The following FHIT variants were observed in gnomAD, a reference collection of about 807,000 sequenced individuals.
The protein encoded by FHIT is fragile histidine triad diadenosine triphosphatase.
A neutral mutation model predicts 17.9 loss-of-function variants in FHIT; 19 were observed. The ratio of observed to expected loss-of-function variants is 1.06; its 90% CI spans 0.74 to 1.56. The LOEUF (loss-of-function observed/expected upper bound fraction) is 1.56. Among genes scored for constraint, FHIT ranks in the 40% most tolerant of loss-of-function variants. The pLI, the probability that FHIT is intolerant of heterozygous loss-of-function variation, is 0.00. For missense variants in FHIT, 248 were observed against 189.2 expected (o/e 1.31, Z -1.82); for synonymous variants, 81 against 69.7 (o/e 1.16, Z -0.81).
Position 60,965,935 on chromosome 3 carries a change from G to A in FHIT, c.-111+76112C>T, listed in dbSNP as rs749816594. 3.6e-4 allele frequency among the ~76,000 whole-genome samples: 55 copies of A among 152,140 alleles called. 1 individual carries two copies. Among genetic ancestry groups the A allele is most frequent in the Admixed American group, 1.1e-3 (17 of 15,274 alleles). ...TGTCCGTTCTCAGATCTCAAACTCC[G>A]TGCTGGGAGAACCACTACTCTCTTC... is the stretch of plus-strand genomic sequence containing the variant. On this transcript the variant is annotated intron_variant, in intron 3 of 9. Coordinates refer to ENST00000492590, the MANE Select transcript of FHIT (RefSeq NM_002012.4).
At chr3:60,329,708 C>G (rs1245568249) in intron 5 of FHIT, among the ~76,000 whole-genome samples, 2 of 152,194 alleles carry the variant, frequency 1.3e-5, no homozygotes, top group Non-Finnish European at 2.9e-5. Context: ...AAGAAGCAAT[C>G]AGAACAAAGC....
chr3:60,152,882 T>C (rs1239935034), intron 5 of FHIT, among the ~76,000 whole-genome samples: 1 of 152,180 alleles, frequency 6.6e-6, no homozygotes, highest in Non-Finnish European at 1.5e-5. Context: ...GGTCTCTAAG[T>C]TGCTTACGGT....
At chr3:60,516,591 G>C (rs968204144) in intron 5 of FHIT, among the ~76,000 whole-genome samples, 4 of 152,162 alleles carry the variant, frequency 2.6e-5, no homozygotes, top group African/African-American at 7.2e-5. Flanking sequence ...GATCGATTTA[G>C]CTCATATTAT....
chr3:59,930,110 T>C (rs930707038), intron 7 of FHIT, among the ~76,000 whole-genome samples: 10 of 152,294 alleles, frequency 6.6e-5, no homozygotes, highest in African/African-American at 2.2e-4. Context: ...CCAGCCAAGG[T>C]GTGAGGGAAC....
chr3:60,129,045 TTTTGTTTG>T (rs1208839497), intron 5 of FHIT, among the ~76,000 whole-genome samples: 43 of 119,160 alleles, frequency 3.6e-4, no homozygotes, highest in African/African-American at 1.4e-3. Context: ...TTCTTTCCTT[TTTTGTTTG>T]TTTTTTTTTT....
At chr3:60,331,097 C>T (rs1709949110) in intron 5 of FHIT, among the ~76,000 whole-genome samples, 1 of 152,156 alleles carries the variant, frequency 6.6e-6, no homozygotes, top group South Asian at 2.1e-4. Flanking sequence ...AAGTCCAACT[C>T]ACCTACTGCC....
chr3:60,465,332 A>T (rs1199226453), intron 5 of FHIT, among the ~76,000 whole-genome samples: 1 of 151,674 alleles, frequency 6.6e-6, no homozygotes, highest in Non-Finnish European at 1.5e-5. Flanking sequence ...TGTCTCTTCA[A>T]ATTGCTTTCA....
intron 4 of FHIT, among the ~76,000 whole-genome samples, chr3:60,717,755 T>C (rs1209901364): frequency 1.3e-5 from 2 of 152,196 alleles, no homozygotes. Context: ...TGTGCCATGC[T>C]TGAACTACCT....
chr3:59,839,082 C>T (rs554345950), intron 8 of FHIT, among the ~76,000 whole-genome samples: 7 of 152,176 alleles, frequency 4.6e-5, no homozygotes, highest in South Asian at 2.1e-4. Flanking sequence ...TTTGGGAGGC[C>T]GAGGCAGGTG....
At chr3:60,486,040 T>C (rs980966689) in intron 5 of FHIT, among the ~76,000 whole-genome samples, 1 of 152,162 alleles carries the variant, frequency 6.6e-6, no homozygotes, top group Non-Finnish European at 1.5e-5. Context: ...TGGCACATTA[T>C]AGAAGACACT....
chr3:61,213,302 T>C (rs1046991843), intron 1 of FHIT, among the ~76,000 whole-genome samples: 7 of 152,024 alleles, frequency 4.6e-5, no homozygotes, highest in African/African-American at 1.5e-4. Flanking sequence ...AATAAAGGGA[T>C]GGAGGAAGAT....
chr3:60,347,676 G>GA (rs1553750544), intron 5 of FHIT, among the ~76,000 whole-genome samples: 1 of 17,586 alleles, frequency 5.7e-5, no homozygotes, highest in Non-Finnish European at 1.0e-4. Flanking sequence ...CCACTGGTTT[G>GA]GGGGGGGGGG....
intron 1 of FHIT, among the ~76,000 whole-genome samples, chr3:61,222,620 T>C (rs1423451204): frequency 2.0e-5 from 3 of 152,108 alleles, no homozygotes; most frequent in African/African-American, 7.2e-5. Context: ...CTGCTGAGCC[T>C]GGGGACCAAA....
chr3:60,162,610 T>A (rs1700988819), intron 5 of FHIT, among the ~76,000 whole-genome samples: 1 of 152,222 alleles, frequency 6.6e-6, no homozygotes, highest in East Asian at 1.9e-4. Context: ...TATATAGACT[T>A]CATCTTATTC....
chr3:60,731,938 AT>A (rs1415161627), intron 4 of FHIT, among the ~76,000 whole-genome samples: 2 of 152,104 alleles, frequency 1.3e-5, no homozygotes, highest in Non-Finnish European at 1.5e-5. Flanking sequence ...ACTTGATTGC[AT>A]TTTTTTGTTG....
chr3:60,036,859 T>C (rs212061), intron 5 of FHIT, among the ~76,000 whole-genome samples: 84,191 of 152,028 alleles, frequency 0.55, 23,838 homozygotes, highest in Middle Eastern at 0.69. Flanking sequence ...GCAATAAAAT[T>C]TCCGTTAATT....
chr3:60,848,430 C>T (rs2106899567), intron 3 of FHIT, among the ~76,000 whole-genome samples: 1 of 152,218 alleles, frequency 6.6e-6, no homozygotes, highest in Admixed American at 6.5e-5. Context: ...TAGGTTTTAT[C>T]ACTTTGCAAG....
intron 7 of FHIT, among the ~76,000 whole-genome samples, chr3:59,937,798 T>G (rs2107255550): frequency 6.6e-6 from 1 of 152,304 alleles, no homozygotes; most frequent in South Asian, 2.1e-4. Context: ...TAAATAGAAT[T>G]TAGTGTAATC....
intron 2 of FHIT, among the ~76,000 whole-genome samples, chr3:61,168,460 G>C (rs2037904313): frequency 6.6e-6 from 1 of 152,238 alleles, no homozygotes; most frequent in African/African-American, 2.4e-5. Flanking sequence ...GCAGTTGCCT[G>C]AGGCACAACT....
Sources: allele counts gnomAD v4.1 joint callset (sites outside exome capture counted in the v4.1 genomes callset), GRCh38; gene constraint gnomAD v4.1.1; transcripts MANE v1.5; gene names NCBI Gene and HGNC (gene_info 2026-07-23, HGNC 2026-07-21).